OR4F3: variants seen among roughly 807,000 people sequenced by gnomAD.
OR4F3 encodes the protein olfactory receptor family 4 subfamily F member 3, also known as olfactory receptor 4F3/4F16/4F29.
At chr5:181,357,434 A>AT in the OR4F3 span, among the ~76,000 whole-genome samples, 2 of 120,492 alleles carry the variant, frequency 1.7e-5, no homozygotes, top group Admixed American at 1.6e-4. Flanking sequence ...ATCTCTATTC[A>AT]TTTTTAGTGG....
the OR4F3 span, among the ~76,000 whole-genome samples, chr5:181,359,527 A>G: frequency 9.0e-6 from 1 of 111,316 alleles, no homozygotes; most frequent in Non-Finnish European, 1.7e-5. Context: ...GTAAAGTATC[A>G]TCTGTAGACA....
the OR4F3 span, among the ~76,000 whole-genome samples, chr5:181,357,638 T>TG: frequency 1.7e-4 from 5 of 29,720 alleles, no homozygotes; most frequent in South Asian, 1.1e-3. Flanking sequence ...ACTCTATTTT[T>TG]TTTTTTTTTT....
the OR4F3 span, among the ~76,000 whole-genome samples, chr5:181,359,148 A>T: frequency 4.6e-5 from 6 of 130,464 alleles, 1 homozygote; most frequent in East Asian, 2.0e-4. Flanking sequence ...AAGAGAAAAA[A>T]TTTTTGAGAG....
At chr5:181,363,546 A>G (rs1761088747), upstream of OR4F3, among the ~76,000 whole-genome samples, 1 of 98,780 alleles carries the variant, frequency 1.0e-5, no homozygotes, top group South Asian at 3.0e-4. Flanking sequence ...CAGCTATGTG[A>G]TAAGTCCACC....
chr5:181,363,648 C>CAA, upstream of OR4F3, among the ~76,000 whole-genome samples: 1 of 87,384 alleles, frequency 1.1e-5, no homozygotes, highest in Admixed American at 9.8e-5. Flanking sequence ...AAAACACACA[C>CAA]TAGTAAAAAT....
At chr5:181,358,316 T>C in the OR4F3 span, among the ~76,000 whole-genome samples, 15 of 132,238 alleles carry the variant, frequency 1.1e-4, 4 homozygotes, top group Non-Finnish European at 1.6e-4. Flanking sequence ...ATATTATTAG[T>C]CTTTGAATAT....
At chr5:181,354,573 G>A in the OR4F3 span, among the ~76,000 whole-genome samples, 1 of 125,676 alleles carries the variant, frequency 8.0e-6, no homozygotes, top group African/African-American at 3.5e-5. Flanking sequence ...GTACTGCCTA[G>A]TGGAGCTATG....
the OR4F3 span, among the ~76,000 whole-genome samples, chr5:181,356,564 A>C: frequency 9.1e-3 from 1,211 of 133,156 alleles, 203 homozygotes; most frequent in Non-Finnish European, 0.016. Flanking sequence ...ATGTGGTTTC[A>C]GGCACAACTC....
the OR4F3 span, among the ~76,000 whole-genome samples, chr5:181,357,069 A>T: frequency 7.5e-6 from 1 of 134,094 alleles, no homozygotes; most frequent in East Asian, 2.0e-4. Flanking sequence ...GTTATTTCCA[A>T]GGGCGCTCTC....
At chr5:181,359,366 T>C in the OR4F3 span, among the ~76,000 whole-genome samples, 3 of 86,582 alleles carry the variant, frequency 3.5e-5, 1 homozygote, top group Non-Finnish European at 6.5e-5. Context: ...GAATATTATA[T>C]GATTTCATGT....
At chr5:181,359,194 T>G in the OR4F3 span, among the ~76,000 whole-genome samples, 2 of 126,650 alleles carry the variant, frequency 1.6e-5, no homozygotes, top group African/African-American at 6.9e-5. Context: ...CCTTTTAATA[T>G]CTATGTAATT....
the OR4F3 span, among the ~76,000 whole-genome samples, chr5:181,360,863 CT>C: frequency 2.3e-5 from 3 of 130,490 alleles, 1 homozygote; most frequent in African/African-American, 3.4e-5. Flanking sequence ...GCTTTTTAAT[CT>C]TTTTTTCCTG....
At chr5:181,358,291 A>G in the OR4F3 span, among the ~76,000 whole-genome samples, 1 of 131,972 alleles carries the variant, frequency 7.6e-6, no homozygotes, top group East Asian at 2.0e-4. Flanking sequence ...TACAATTATT[A>G]TAAATAATTA....
the OR4F3 span, among the ~76,000 whole-genome samples, chr5:181,356,617 G>T: frequency 7.4e-6 from 1 of 135,428 alleles, no homozygotes; most frequent in Non-Finnish European, 1.6e-5. Flanking sequence ...TGTTCCCCCT[G>T]CAGGAAAACC....
the OR4F3 span, among the ~76,000 whole-genome samples, chr5:181,361,296 G>C: frequency 9.0e-5 from 6 of 66,404 alleles, no homozygotes; most frequent in African/African-American, 6.1e-4. Flanking sequence ...CCCCAAGTCT[G>C]CTCTATTTCA....
the OR4F3 span, among the ~76,000 whole-genome samples, chr5:181,356,101 TAAG>T: frequency 1.7e-5 from 1 of 58,730 alleles, no homozygotes; most frequent in Non-Finnish European, 3.4e-5. Flanking sequence ...AGAGGTAAGG[TAAG>T]AAGGATATCA....
At chr5:181,356,816 C>T in the OR4F3 span, among the ~76,000 whole-genome samples, 37 of 129,668 alleles carry the variant, frequency 2.9e-4, no homozygotes, top group African/African-American at 9.5e-4. Flanking sequence ...GTCTCCTCCA[C>T]GAAAACTCCA....
the OR4F3 span, among the ~76,000 whole-genome samples, chr5:181,357,149 A>G: frequency 7.4e-6 from 1 of 134,744 alleles, no homozygotes; most frequent in Admixed American, 7.0e-5. Context: ...TCGTCATCCA[A>G]CTTTATTTGA....
upstream of OR4F3, among the ~76,000 whole-genome samples, chr5:181,362,472 ACTT>A (rs1279963178): frequency 2.4e-5 from 3 of 123,792 alleles, no homozygotes; most frequent in African/African-American, 1.2e-4. Context: ...AGAGGACAAA[ACTT>A]CTTCCTGCAT....
Sources: allele counts gnomAD v4.1 joint callset (sites outside exome capture counted in the v4.1 genomes callset), GRCh38; gene constraint gnomAD v4.1.1; transcripts MANE v1.5; gene names NCBI Gene and HGNC (gene_info 2026-07-23, HGNC 2026-07-21).